C5: variants seen among roughly 807,000 people sequenced by gnomAD.
C5 encodes the protein complement C5, also known as C3 and PZP-like alpha-2-macroglobulin domain-containing protein 4.
A neutral mutation model predicts 218.8 loss-of-function variants in C5; 140 were observed. The observed-to-expected ratio is 0.64, with a 90% CI of 0.56 to 0.74. C5 has a LOEUF of 0.74. C5 is among the 30% of genes least tolerant of loss of function. The probability of loss-of-function intolerance (pLI) is 0.00; values close to 1 mark genes in which losing one functional copy is unlikely to be tolerated. For synonymous variants in C5, 614 were observed against 682.3 expected (o/e 0.90, Z 1.56); for missense variants, 1,700 against 1,969.6 (o/e 0.86, Z 2.59).
intron 30 of C5, 52 bp from the exon 31 acceptor site, chr9:120,972,044 G>C (rs752839410): frequency 5.4e-6 from 8 of 1,471,028 alleles, no homozygotes; most frequent in Non-Finnish European, 2.8e-6. Context: ...ATTTGATAGG[G>C]AGGGAGGATA....
At position 121,017,367 on chromosome 9, in the gene C5, C is replaced by T; in HGVS notation, c.1861G>A (p.Glu621Lys). The change falls in exon 14 of 41, where the codon GAA becomes AAA. Residue 621 changes from glutamate to lysine, a missense_variant. Glu to Lys is a moderately conservative substitution (Grantham distance 56, BLOSUM62 1). Coordinates refer to ENST00000223642, the MANE Select transcript of C5 (RefSeq NM_001735.3). ...CGAGACATGCATTACTTAACTCTTT[C>T]CAAGGGCTTTTTGGCTCCTCTTTGG... ...GVQRGAKKPL[E>K]RVFQFLEKSD... 1 of 1,613,706 alleles carries T rather than the reference C, an allele frequency of 6.2e-7. No individual in the cohort carries two copies. Among genetic ancestry groups the T allele is most frequent in the South Asian group, 1.1e-5 (1 of 91,056 alleles).
rs539870230 is a variant in C5, at chr9:120,957,403, T to G, written c.4679-35A>C. On this transcript the variant is annotated intron_variant, in intron 38 of 40. Coordinates refer to ENST00000223642, the MANE Select transcript of C5 (RefSeq NM_001735.3). Reference sequence around the variant, plus strand: ...GACAAACAACAATGAAACAATTCAGTCTTAATACTATTAATGCTATGTCCA... The same window carrying G: ...GACAAACAACAATGAAACAATTCAGGCTTAATACTATTAATGCTATGTCCA... 490 of 1,484,428 alleles carry G rather than the reference T, an allele frequency of 3.3e-4. 3 individuals carry two copies. The highest frequency in any genetic ancestry group is 3.0e-3 in the South Asian group (262 of 88,304). 92.0% of individuals were successfully genotyped at this position (1,484,428 alleles called of 1,614,324 possible).
intron 1 of C5, among the ~76,000 whole-genome samples, chr9:121,047,019 C>A (rs1009137849): frequency 3.3e-5 from 5 of 152,108 alleles, no homozygotes; most frequent in Admixed American, 6.6e-5. Context: ...CTGGGAAGTG[C>A]ATTTGGAAAT....
At chr9:120,987,010 G>C (rs1442161167) in intron 25 of C5, among the ~76,000 whole-genome samples, 3 of 152,176 alleles carry the variant, frequency 2.0e-5, no homozygotes, top group East Asian at 1.9e-4. Context: ...AAAAGGAAAG[G>C]AAGGAATCAA....
intron 1 of C5, among the ~76,000 whole-genome samples, chr9:121,049,806 T>C (rs1379590807): frequency 6.6e-6 from 1 of 152,196 alleles, no homozygotes; most frequent in Non-Finnish European, 1.5e-5. Context: ...AGTATTAGAT[T>C]GACTCCTAAA....
the C5 span, among the ~76,000 whole-genome samples, chr9:121,060,239 A>G: frequency 6.6e-6 from 1 of 152,090 alleles, no homozygotes; most frequent in Non-Finnish European, 1.5e-5. Flanking sequence ...ACCTGCTGGT[A>G]TTAACTTAAT....
At chr9:120,954,119 T>A (rs1027640627) in intron 39 of C5, among the ~76,000 whole-genome samples, 15 of 152,278 alleles carry the variant, frequency 9.9e-5, no homozygotes, top group African/African-American at 3.4e-4. Context: ...TAGACCCTCA[T>A]CTTAAGACTG....
intron 7 of C5, among the ~76,000 whole-genome samples, chr9:121,030,010 G>A (rs991645113): frequency 6.6e-6 from 1 of 152,104 alleles, no homozygotes; most frequent in Non-Finnish European, 1.5e-5. Context: ...CATAAATGTG[G>A]GAGTTTCAAG....
At chr9:121,067,905 T>C in the C5 span, among the ~76,000 whole-genome samples, 1 of 152,220 alleles carries the variant, frequency 6.6e-6, no homozygotes, top group Non-Finnish European at 1.5e-5. Context: ...TAAACCTCTC[T>C]TCTTTATAAA....
chr9:120,982,416 C>T (rs1303638421), intron 26 of C5, among the ~76,000 whole-genome samples: 2 of 152,218 alleles, frequency 1.3e-5, no homozygotes, highest in Non-Finnish European at 2.9e-5. Context: ...TGCCCATCTA[C>T]CTCCACCCCG....
chr9:121,008,325 G>A, intron 18 of C5, 83 bp downstream of exon 18: 1 of 960,516 alleles, frequency 1.0e-6, no homozygotes, highest in East Asian at 2.4e-5. Flanking sequence ...AAGCTATTGG[G>A]AAATGGGTAG....
intron 9 of C5, among the ~76,000 whole-genome samples, chr9:121,023,757 C>T (rs55900732): frequency 0.2 from 30,770 of 151,910 alleles, 3,402 homozygotes; most frequent in African/African-American, 0.29. Context: ...GTAGAGAAGC[C>T]CTTGGAGAAG....
At chr9:121,013,496 A>C (rs907420488) in intron 17 of C5, among the ~76,000 whole-genome samples, 1 of 152,178 alleles carries the variant, frequency 6.6e-6, no homozygotes, top group East Asian at 1.9e-4. Context: ...TATTTCATCA[A>C]TGTAGATATA....
intron 20 of C5, among the ~76,000 whole-genome samples, chr9:121,004,280 A>G (rs2047197558): frequency 6.6e-6 from 1 of 152,150 alleles, no homozygotes; most frequent in African/African-American, 2.4e-5. Flanking sequence ...CTAAATCCAC[A>G]TATCATTTGA....
intron 36 of C5, among the ~76,000 whole-genome samples, 177 bp from the exon 37 acceptor site, chr9:120,961,742 C>T (rs1487256367): frequency 6.6e-6 from 1 of 152,140 alleles, no homozygotes. Flanking sequence ...GGTTCCGCTA[C>T]CCTCAGAAAG....
At chr9:120,962,247 T>C (rs1271010127) in intron 36 of C5, among the ~76,000 whole-genome samples, 11 of 152,146 alleles carry the variant, frequency 7.2e-5, no homozygotes, top group Non-Finnish European at 7.3e-5. Flanking sequence ...ATACAAATAA[T>C]TGAATGCAAT....
chr9:121,055,746 GT>G, the C5 span, among the ~76,000 whole-genome samples: 1 of 152,178 alleles, frequency 6.6e-6, no homozygotes, highest in East Asian at 1.9e-4. Context: ...TAACCAGGCA[GT>G]AGTGGCTGCA....
At chr9:121,069,889 C>T in the C5 span, among the ~76,000 whole-genome samples, 1 of 152,010 alleles carries the variant, frequency 6.6e-6, no homozygotes, top group Admixed American at 6.6e-5. Flanking sequence ...GGAAGTTCCT[C>T]AAAAAAACTA....
chr9:120,982,066 C>A, intron 26 of C5, 127 bp from the exon 27 acceptor site: 1 of 718,550 alleles, frequency 1.4e-6, no homozygotes, highest in Non-Finnish European at 2.5e-6. Flanking sequence ...AGCTGGAGTG[C>A]AATGGCTTGA....
Sources: gnomAD v4.1 joint callset for allele counts (sites outside exome capture counted in the v4.1 genomes callset) on GRCh38, gnomAD v4.1.1 for gene constraint, MANE v1.5 for transcripts, NCBI Gene and HGNC (gene_info 2026-07-23, HGNC 2026-07-21) for gene names.